SLC14A2: variants seen among roughly 807,000 people sequenced by gnomAD.
SLC14A2 encodes urea transporter 2.
In SLC14A2, 91 loss-of-function variants were observed where a neutral mutation model predicts 104.6. The ratio of observed to expected loss-of-function variants is 0.87; its 90% CI spans 0.73 to 1.04. The LOEUF (loss-of-function observed/expected upper bound fraction) is 1.04, where lower values mean the gene tolerates loss of function less well. Ranked by LOEUF, SLC14A2 falls within the 50% of genes least tolerant of loss-of-function variation. The probability of loss-of-function intolerance (pLI) is 0.00; values close to 1 mark genes in which losing one functional copy is unlikely to be tolerated. For missense variants in SLC14A2, 1,189 were observed against 1,156.0 expected, an observed-to-expected ratio of 1.03 and a Z score of -0.41; for synonymous variants, 476 against 466.4, an observed-to-expected ratio of 1.02 and a Z score of -0.27.
At chr18:45,577,446 TAGA>T (rs1167580480) in intron 2 of SLC14A2, among the ~76,000 whole-genome samples, 3 of 152,310 alleles carry the variant, frequency 2.0e-5, no homozygotes, top group South Asian at 2.1e-4. Context: ...CACCTGTTGA[TAGA>T]AGAAGCATCA....
Position 45,682,646 on chromosome 18 carries a change from C to A in SLC14A2, c.*127C>A, listed in dbSNP as rs193190761. On this transcript the variant is annotated 3_prime_UTR_variant, in exon 20 of 20. Coordinates refer to ENST00000255226, the MANE Select transcript of SLC14A2 (RefSeq NM_007163.4). ...GACTCTCTCCCCAAACACAAAGAAG[C>A]GTGTATGTAGTCACCATTCCAGAAC... The A allele has an allele frequency of 1.4e-6, 1 of 740,250 alleles. No homozygotes were observed. Among genetic ancestry groups the A allele is most frequent in the South Asian group, 1.6e-5 (1 of 63,598 alleles). The allele number at this position is 740,250 out of a possible 1,614,324, so 45.9% of individuals were successfully genotyped here.
At chr18:45,492,366 G>A (rs770299885) in intron 2 of SLC14A2, among the ~76,000 whole-genome samples, 3 of 152,168 alleles carry the variant, frequency 2.0e-5, no homozygotes, top group African/African-American at 4.8e-5. Context: ...AGTTCTGCAC[G>A]GCGGGTGAGA....
chr18:45,429,857 G>A (rs1423291823), intron 1 of SLC14A2, among the ~76,000 whole-genome samples: 3 of 152,164 alleles, frequency 2.0e-5, no homozygotes, highest in African/African-American at 7.2e-5. Context: ...GTCTGTAGTT[G>A]AGGAACAGAA....
intron 1 of SLC14A2, among the ~76,000 whole-genome samples, chr18:45,235,259 T>C (rs971738269): frequency 2.0e-5 from 3 of 152,208 alleles, no homozygotes; most frequent in African/African-American, 7.2e-5. Flanking sequence ...ATTCTCCTTT[T>C]CTTTTCATTA....
intron 2 of SLC14A2, among the ~76,000 whole-genome samples, chr18:45,554,753 C>T (rs1396777843): frequency 6.6e-6 from 1 of 152,062 alleles, no homozygotes; most frequent in East Asian, 1.9e-4. Flanking sequence ...AAGACCAGTT[C>T]CAAGGAGAAG....
chr18:45,680,171 C>T (rs1750321221), intron 19 of SLC14A2, among the ~76,000 whole-genome samples: 1 of 152,190 alleles, frequency 6.6e-6, no homozygotes, highest in African/African-American at 2.4e-5. Flanking sequence ...CAGGCTTTAT[C>T]AGCCTCTAAC....
intron 10 of SLC14A2, among the ~76,000 whole-genome samples, chr18:45,651,511 T>C (rs547198957): frequency 1.3e-5 from 2 of 152,360 alleles, no homozygotes; most frequent in East Asian, 3.9e-4. Context: ...AAATGGACTT[T>C]GAATCAGTGG....
At chr18:45,339,145 G>A (rs2085368181) in intron 1 of SLC14A2, among the ~76,000 whole-genome samples, 1 of 152,082 alleles carries the variant, frequency 6.6e-6, no homozygotes, top group African/African-American at 2.4e-5. Context: ...TTTGTTTTTA[G>A]TAGAGATAGG....
chr18:45,196,232 A>C, the SLC14A2 span, among the ~76,000 whole-genome samples: 1 of 152,218 alleles, frequency 6.6e-6, no homozygotes, highest in African/African-American at 2.4e-5. Flanking sequence ...CAAAGAGGTA[A>C]GGGGGCAGTT....
At chr18:45,327,096 T>A (rs946925097) in intron 1 of SLC14A2, among the ~76,000 whole-genome samples, 1 of 152,112 alleles carries the variant, frequency 6.6e-6, no homozygotes, top group Non-Finnish European at 1.5e-5. Context: ...TTCCTGGCAG[T>A]GGAGGGAGTG....
intron 1 of SLC14A2, among the ~76,000 whole-genome samples, chr18:45,363,344 G>T (rs2085633747): frequency 6.6e-6 from 1 of 152,026 alleles, no homozygotes; most frequent in Non-Finnish European, 1.5e-5. Context: ...GTATCTATGG[G>T]CCTGGAAGGG....
intron 1 of SLC14A2, among the ~76,000 whole-genome samples, chr18:45,389,971 A>G (rs564810109): frequency 2.6e-5 from 4 of 152,348 alleles, no homozygotes; most frequent in African/African-American, 9.6e-5. Flanking sequence ...TTTTGCTAGA[A>G]TGAAACCTAA....
At chr18:45,286,568 G>A (rs897721749) in intron 1 of SLC14A2, among the ~76,000 whole-genome samples, 15 of 152,254 alleles carry the variant, frequency 9.9e-5, no homozygotes, top group East Asian at 7.7e-4. Flanking sequence ...ATTTTAGATC[G>A]AATATTGCCT....
At chr18:45,182,340 C>T in the SLC14A2 span, among the ~76,000 whole-genome samples, 23 of 151,502 alleles carry the variant, frequency 1.5e-4, no homozygotes, top group Non-Finnish European at 2.5e-4. Context: ...GTATAAAATG[C>T]TATAGTGATA....
intron 1 of SLC14A2, among the ~76,000 whole-genome samples, chr18:45,338,898 T>C (rs1044899026): frequency 4.0e-5 from 6 of 151,598 alleles, no homozygotes; most frequent in African/African-American, 9.7e-5. Flanking sequence ...GGGACACCAT[T>C]CCAAAGTGAC....
chr18:45,599,425 G>A (rs573197148), intron 2 of SLC14A2, among the ~76,000 whole-genome samples: 11 of 152,286 alleles, frequency 7.2e-5, no homozygotes, highest in South Asian at 4.1e-4. Context: ...TCCTGGCCGC[G>A]ACCTGCTCTG....
At chr18:45,279,250 A>G (rs1374772440) in intron 1 of SLC14A2, among the ~76,000 whole-genome samples, 6 of 152,250 alleles carry the variant, frequency 3.9e-5, no homozygotes, top group African/African-American at 1.4e-4. Flanking sequence ...TGAAGGAGAA[A>G]TAGGAAGACC....
the SLC14A2 span, among the ~76,000 whole-genome samples, chr18:45,195,086 A>G: frequency 1.3e-5 from 2 of 152,172 alleles, no homozygotes; most frequent in East Asian, 3.9e-4. Flanking sequence ...TCCTCTCCTT[A>G]CTGAAACTAT....
At chr18:45,627,545 C>T (rs769106552) in intron 4 of SLC14A2, among the ~76,000 whole-genome samples, 10 of 152,086 alleles carry the variant, frequency 6.6e-5, no homozygotes, top group Non-Finnish European at 1.3e-4. Flanking sequence ...AGAGAGGCTA[C>T]CTCTGAGTTA....
Sources: gnomAD v4.1 joint callset for allele counts (sites outside exome capture counted in the v4.1 genomes callset) on GRCh38, gnomAD v4.1.1 for gene constraint, MANE v1.5 for transcripts, NCBI Gene and HGNC (gene_info 2026-07-23, HGNC 2026-07-21) for gene names.